Variants in RNF220 observed in about 807,000 individuals in gnomAD.
RNF220 encodes E3 ubiquitin-protein ligase RNF220.
In RNF220, 7 loss-of-function variants were observed where a neutral mutation model predicts 67.1. That is an observed-to-expected ratio of 0.10 (90% CI 0.06 to 0.20). The LOEUF (loss-of-function observed/expected upper bound fraction) is 0.20. RNF220 is among the 10% of genes least tolerant of loss of function. The pLI, the probability that RNF220 is intolerant of heterozygous loss-of-function variation, is 1.00. For missense variants in RNF220, 565 were observed against 740.3 expected (o/e 0.76, Z 2.75); for synonymous variants, 270 against 283.2 (o/e 0.95, Z 0.47).
At chr1:44,445,262 C>A (rs1651955317) in intron 2 of RNF220, among the ~76,000 whole-genome samples, 1 of 152,192 alleles carries the variant, frequency 6.6e-6, no homozygotes, top group African/African-American at 2.4e-5. Flanking sequence ...ACTATTACAA[C>A]TCATTAATAT....
chr1:44,581,467 A>G (rs1477193853), intron 2 of RNF220, among the ~76,000 whole-genome samples: 1 of 152,222 alleles, frequency 6.6e-6, no homozygotes, highest in African/African-American at 2.4e-5. Flanking sequence ...GCTCTTTCCC[A>G]CACATGCCTG....
intron 2 of RNF220, among the ~76,000 whole-genome samples, chr1:44,490,673 A>C (rs539138849): frequency 6.4e-4 from 98 of 152,148 alleles, no homozygotes; most frequent in African/African-American, 2.2e-3. Flanking sequence ...TTAACCTTCC[A>C]ATTTAAAAAC....
upstream of RNF220, chr1:44,405,066 T>C (rs1468845067): frequency 6.3e-6 from 1 of 159,962 alleles, no homozygotes; most frequent in Non-Finnish European, 1.4e-5. Flanking sequence ...CCAAGCTCTT[T>C]GGTGAGGGCC....
At chr1:44,414,833 T>A (rs2147813502) in intron 2 of RNF220, among the ~76,000 whole-genome samples, 1 of 151,984 alleles carries the variant, frequency 6.6e-6, no homozygotes, top group Non-Finnish European at 1.5e-5. Flanking sequence ...GTACCCTGTG[T>A]TCTCCTTTTT....
At chr1:44,449,897 A>G (rs1295572639) in intron 2 of RNF220, among the ~76,000 whole-genome samples, 1 of 152,248 alleles carries the variant, frequency 6.6e-6, no homozygotes, top group African/African-American at 2.4e-5. Context: ...TAACGGAGAT[A>G]CAGAAAGTAT....
At chr1:44,537,330 C>T (rs1661313947) in intron 2 of RNF220, among the ~76,000 whole-genome samples, 1 of 152,166 alleles carries the variant, frequency 6.6e-6, no homozygotes, top group African/African-American at 2.4e-5. Flanking sequence ...AGTTCCATTC[C>T]AATTACCATA....
chr1:44,603,818 G>A (rs1156715983), intron 2 of RNF220, among the ~76,000 whole-genome samples: 1 of 152,226 alleles, frequency 6.6e-6, no homozygotes, highest in Non-Finnish European at 1.5e-5. Context: ...TGTGCTAGCA[G>A]GCAGCGCCTG....
intron 2 of RNF220, among the ~76,000 whole-genome samples, chr1:44,538,242 G>C (rs920310051): frequency 6.6e-6 from 1 of 152,144 alleles, no homozygotes; most frequent in African/African-American, 2.4e-5. Context: ...TGGTTATTCA[G>C]CCAGCTCTGT....
In RNF220 at chr1:44,600,391, G is replaced by A. The variant is rs61789877; in HGVS notation, c.626-13774G>A. ...AGGGCAATAGCTAACATCAGAGGCA[G>A]CAGAATAGCGTGACTAAGAGCATGC... On this transcript the variant is annotated intron_variant, in intron 2 of 14. Coordinates refer to ENST00000361799, the MANE Select transcript of RNF220 (RefSeq NM_018150.4). This position sits in a 1 kb window ranked among gnomAD's most constrained non-coding sequence, Gnocchi z 4.0. Among the ~76,000 whole-genome samples, 32,691 of 152,142 alleles carry A rather than the reference G, an allele frequency of 0.21. 4,095 individuals carry two copies. The highest frequency in any genetic ancestry group is 0.29 in the Non-Finnish European group (19,698 of 67,980).
At chr1:44,566,773 G>C (rs924942069) in intron 2 of RNF220, among the ~76,000 whole-genome samples, 8 of 152,198 alleles carry the variant, frequency 5.3e-5, no homozygotes, top group African/African-American at 1.9e-4. Flanking sequence ...GACCTCTGGA[G>C]GCTGGGACCT....
chr1:44,532,792 T>A (rs10890308), intron 2 of RNF220, among the ~76,000 whole-genome samples: 1 of 151,984 alleles, frequency 6.6e-6, no homozygotes, highest in African/African-American at 2.4e-5. Context: ...CAGTCATCTA[T>A]TTGCTATCCA....
In RNF220 at chr1:44,417,710, T is replaced by C. The variant is rs947708765; in HGVS notation, c.625+4988T>C. Among the ~76,000 whole-genome samples, 14 of 151,920 alleles carry C rather than the reference T, an allele frequency of 9.2e-5. No homozygotes were observed. The highest frequency in any genetic ancestry group is 3.4e-4 in the African/African-American group (14 of 41,412). On this transcript the variant is annotated intron_variant, in intron 2 of 14. Transcript: ENST00000361799. This position sits in a 1 kb window ranked among gnomAD's most constrained non-coding sequence, Gnocchi z 4.0. ...TTTCTCGCGGCCGCCCGCCAGCCCC[T>C]CGCCGCTGCCGGCAGAAGGGTGGCT...
intron 2 of RNF220, among the ~76,000 whole-genome samples, chr1:44,494,556 G>T (rs1246503400): frequency 6.6e-6 from 1 of 151,330 alleles, no homozygotes; most frequent in Non-Finnish European, 1.5e-5. Context: ...CAGCTGTTTA[G>T]ATTACTAATA....
chr1:44,581,696 G>A (rs1450058172), intron 2 of RNF220, among the ~76,000 whole-genome samples: 1 of 152,182 alleles, frequency 6.6e-6, no homozygotes. Context: ...CATGAGGGAA[G>A]AAAGAGTCCT....
In RNF220 at chr1:44,626,330, G is replaced by A. The variant is rs377171832; in HGVS notation, c.838G>A (p.Gly280Arg). 13 of 1,614,006 alleles carry A rather than the reference G, an allele frequency of 8.1e-6. No individual in the cohort carries two copies. Among genetic ancestry groups the A allele is most frequent in the Non-Finnish European group, 1.0e-5 (12 of 1,180,006 alleles). ...LLLSASIKRE[G>R]ESPTASPHSS... ...GTTGTCTGCTTCCATCAAGAGGGAA[G>A]GAGAGTCTCCAACGGCATCACCCCA... Residue 280 changes from glycine to arginine, a missense_variant, in exon 5 of 15, where the codon GGA becomes AGA. By Grantham distance (125) the Gly-to-Arg change is moderately radical. Coordinates refer to ENST00000361799, the MANE Select transcript of RNF220 (RefSeq NM_018150.4).
At position 44,614,235 on chromosome 1, in the gene RNF220, G is replaced by T; in HGVS notation, c.696G>T (p.Arg232Ser). Residue 232 changes from arginine (R) to serine (S), a missense_variant, in exon 3 of 15, where the codon AGG (arginine) becomes AGT (serine). Arg to Ser is a moderately radical substitution (Grantham distance 110). Transcript: ENST00000361799. ...PICPICQVLLRPSELQEHMEQ... is the reference protein window; with the variant it reads ...PICPICQVLLSPSELQEHMEQ... ...GCCCCATCTGCCAGGTCCTGCTGAG[G>T]CCCAGTGAGCTGCAGGAGCATATGG... The T allele has an allele frequency of 1.9e-6, 3 of 1,614,192 alleles. No homozygotes were observed. The highest frequency in any genetic ancestry group is 2.5e-6 in the Non-Finnish European group (3 of 1,180,008).
At chr1:44,454,681 T>C (rs1250694504) in intron 2 of RNF220, among the ~76,000 whole-genome samples, 1 of 151,994 alleles carries the variant, frequency 6.6e-6, no homozygotes, top group Admixed American at 6.6e-5. Flanking sequence ...TCAGATTTAT[T>C]GAGGTATAAT....
Position 44,572,703 on chromosome 1 carries a change from G to A in RNF220, c.626-41462G>A, listed in dbSNP as rs535319410. ...GGCCCAGCCACTTCTCAGCTCTCTC[G>A]GTGTCTGTGACTCATTGCCTCAAGA... On this transcript the variant is annotated intron_variant, in intron 2 of 14. Coordinates refer to ENST00000361799, the MANE Select transcript of RNF220 (RefSeq NM_018150.4). Among the ~76,000 whole-genome samples the A allele has an allele frequency of 1.5e-3, 228 of 152,110 alleles. 1 individual carries two copies. The highest frequency in any genetic ancestry group is 5.8e-3 in the Admixed American group (89 of 15,286).
At chr1:44,511,902 G>A (rs1007345659) in intron 2 of RNF220, among the ~76,000 whole-genome samples, 3 of 109,958 alleles carry the variant, frequency 2.7e-5, no homozygotes, top group African/African-American at 1.1e-4. Flanking sequence ...GTAAAATTGA[G>A]AAGCGTGTGT....
Sources: allele counts gnomAD v4.1 joint callset (sites outside exome capture counted in the v4.1 genomes callset), GRCh38; gene constraint gnomAD v4.1.1; non-coding constraint Gnocchi (gnomAD v3.1); transcripts MANE v1.5; gene names NCBI Gene and HGNC (gene_info 2026-07-23, HGNC 2026-07-21).